The following ATP8B1 variants were observed in gnomAD, a reference collection of about 807,000 sequenced individuals.
The protein encoded by ATP8B1 is phospholipid-transporting ATPase IC.
A neutral mutation model predicts 149.9 loss-of-function variants in ATP8B1; 80 were observed. That is an observed-to-expected ratio of 0.53 (90% CI 0.45 to 0.64). ATP8B1 has a LOEUF of 0.64. Ranked by LOEUF, ATP8B1 falls within the 30% of genes least tolerant of loss-of-function variation. The probability of loss-of-function intolerance (pLI) is 0.00; values close to 1 mark genes in which losing one functional copy is unlikely to be tolerated. For missense variants in ATP8B1, 1,247 were observed against 1,552.6 expected, an observed-to-expected ratio of 0.80 and a Z score of 3.31; for synonymous variants, 536 against 562.8, an observed-to-expected ratio of 0.95 and a Z score of 0.67.
intron 26 of ATP8B1, among the ~76,000 whole-genome samples, chr18:57,651,138 A>G (rs561844542): frequency 1.2e-4 from 18 of 152,238 alleles, no homozygotes; most frequent in African/African-American, 2.2e-4. Flanking sequence ...ATAGGGTCTC[A>G]CTCTGTTACC....
At chr18:57,719,885 G>A (rs920962382) in intron 2 of ATP8B1, among the ~76,000 whole-genome samples, 2 of 152,190 alleles carry the variant, frequency 1.3e-5, no homozygotes, top group Admixed American at 1.3e-4. Flanking sequence ...CTCCCAGCAC[G>A]CAGCTGGAGA....
rs1041914154 is a variant in ATP8B1 at position 57,803,170 on chromosome 18, G to C, written c.-198C>G. ...GCCCGGGGAAGCGTGTCTAGTTGGC[G>C]GCGGCACCTCCGGCTCTCGCGGCTC... On this transcript the variant is annotated 5_prime_UTR_variant, in exon 1 of 28. Coordinates refer to ENST00000648908, the MANE Select transcript of ATP8B1 (RefSeq NM_001374385.1). 1 of 152,488 alleles carries C rather than the reference G, an allele frequency of 6.6e-6. No homozygotes were observed. Among genetic ancestry groups the C allele is most frequent in the African/African-American group, 2.4e-5 (1 of 41,462 alleles). The allele number at this position is 152,488 out of a possible 1,614,324, so 9.4% of individuals were successfully genotyped here. A position where few individuals can be genotyped will look rare whatever the true frequency, so the allele number is the denominator to read the frequency against.
chr18:57,703,382 C>T (rs1373916900), intron 4 of ATP8B1, among the ~76,000 whole-genome samples: 2 of 151,984 alleles, frequency 1.3e-5, no homozygotes, highest in Non-Finnish European at 2.9e-5. Context: ...CCAGCCTGGT[C>T]AACATGGTGA....
At chr18:57,668,294 A>T (rs566172216) in intron 19 of ATP8B1, 135 bp downstream of exon 19, 93 of 1,326,246 alleles carry the variant, frequency 7.0e-5, no homozygotes, top group Non-Finnish European at 9.5e-5. Context: ...AGGGTTTCTC[A>T]GAAAAAGCAT....
At chr18:57,732,171 G>GTGTATATATGTA in intron 1 of ATP8B1, 1 of 102,432 alleles carries the variant, frequency 9.8e-6, no homozygotes, top group African/African-American at 4.0e-5. Flanking sequence ...ATGTATATAT[G>GTGTATATATGTA]TATATATGTG....
chr18:57,678,377 G>A (rs946903158), intron 15 of ATP8B1, among the ~76,000 whole-genome samples: 1 of 151,822 alleles, frequency 6.6e-6, no homozygotes, highest in African/African-American at 2.4e-5. Context: ...CACAAGGTCA[G>A]GAGTTTGAGA....
intron 14 of ATP8B1, 105 bp from the exon 15 acceptor site, chr18:57,684,297 C>T (rs1912126492): frequency 8.0e-7 from 1 of 1,243,446 alleles, no homozygotes; most frequent in Admixed American, 2.0e-5. Flanking sequence ...ATGCAAAAAC[C>T]ACCTTAGGAT....
intron 1 of ATP8B1, among the ~76,000 whole-genome samples, chr18:57,772,641 G>A (rs997963757): frequency 2.2e-5 from 3 of 134,776 alleles, no homozygotes; most frequent in South Asian, 2.4e-4. Flanking sequence ...TCCCGACCTC[G>A]TGGCAGGTAT....
At chr18:57,685,331 G>A (rs1311959272) in intron 13 of ATP8B1, among the ~76,000 whole-genome samples, 1 of 151,966 alleles carries the variant, frequency 6.6e-6, no homozygotes, top group Non-Finnish European at 1.5e-5. Flanking sequence ...CTTCTCCTAG[G>A]GGCCTGAATC....
At chr18:57,679,830 A>T (rs1911838598) in intron 15 of ATP8B1, among the ~76,000 whole-genome samples, 1 of 152,028 alleles carries the variant, frequency 6.6e-6, no homozygotes, top group African/African-American at 2.4e-5. Context: ...ACGCCCAGCT[A>T]ATTTTTGTAT....
intron 22 of ATP8B1, among the ~76,000 whole-genome samples, chr18:57,658,641 G>GTGTA (rs1251820835): frequency 6.8e-6 from 1 of 147,996 alleles, no homozygotes; most frequent in African/African-American, 2.5e-5. Flanking sequence ...GTGTGTGTGT[G>GTGTA]TGTGTGTGTG....
intron 24 of ATP8B1, 28 bp from the exon 25 acceptor site, chr18:57,652,757 TTTATTCA>T (rs766245951): frequency 1.9e-6 from 3 of 1,613,816 alleles, no homozygotes; most frequent in Non-Finnish European, 2.5e-6. Context: ...ATGATGGTAT[TTTATTCA>T]TCAGGTCAAA....
At position 57,691,689 on chromosome 18, in the gene ATP8B1, T is replaced by G. The variant is rs192244768; in HGVS notation, c.1220+118A>C. 3.0e-6 allele frequency: 4 copies of G among 1,311,570 alleles called. No homozygotes were observed. The African/African-American group carries it at 4.4e-5, about 14-fold the overall frequency. The allele number at this position is 1,311,570 out of a possible 1,614,324, so 81.2% of individuals were successfully genotyped here. The stretch of plus-strand genomic sequence containing the variant: ...ACCCTCAATTCTGAAATGAACGTGA[T>G]TTTCTTACCTGTTCTTTGTGACCTT... On this transcript the variant is annotated intron_variant, in intron 12 of 27. Transcript: ENST00000648908.
chr18:57,702,195 C>T lies in ATP8B1; in HGVS notation c.394-882G>A, dbSNP rs1312976874. Among the ~76,000 whole-genome samples the T allele has an allele frequency of 7.2e-5, 11 of 152,302 alleles. No individual in the cohort carries two copies. In the South Asian group the frequency reaches 2.3e-3, roughly 32 times the overall value. On this transcript the variant is annotated intron_variant, in intron 4 of 27. Coordinates refer to ENST00000648908, the MANE Select transcript of ATP8B1 (RefSeq NM_001374385.1). Reference sequence around the variant, plus strand: ...TTCCTTCATGATCATCACTATTGGCCTATCCAAGAAAGTGAGCTGGCCTTC... The same window carrying T: ...TTCCTTCATGATCATCACTATTGGCTTATCCAAGAAAGTGAGCTGGCCTTC...
At chr18:57,732,315 ATATATGTG>A (rs2079791218) in intron 1 of ATP8B1, among the ~76,000 whole-genome samples, 1 of 27,416 alleles carries the variant, frequency 3.6e-5, no homozygotes, top group Non-Finnish European at 7.8e-5. Context: ...ATATGTGTGT[ATATATGTG>A]TATATATGTG....
intron 1 of ATP8B1, among the ~76,000 whole-genome samples, chr18:57,766,842 G>A (rs190749858): frequency 2.6e-4 from 40 of 152,294 alleles, no homozygotes; most frequent in Non-Finnish European, 5.9e-5. Flanking sequence ...ACCTGTCCTA[G>A]GAGAGGTCAA....
chr18:57,790,120 C>A (rs919373414), intron 1 of ATP8B1, among the ~76,000 whole-genome samples: 1 of 152,170 alleles, frequency 6.6e-6, no homozygotes, highest in Non-Finnish European at 1.5e-5. Context: ...CAATTCTCTT[C>A]TTTTACATCT....
At chr18:57,689,204 T>G (rs1303809234) in intron 12 of ATP8B1, among the ~76,000 whole-genome samples, 1 of 152,062 alleles carries the variant, frequency 6.6e-6, no homozygotes, top group African/African-American at 2.4e-5. Context: ...TCTTCCCCCA[T>G]TCCCCATAGC....
At chr18:57,752,208 AATAATAATAATAATAATG>A (rs1024654599) in intron 1 of ATP8B1, among the ~76,000 whole-genome samples, 4 of 32,512 alleles carry the variant, frequency 1.2e-4, no homozygotes, top group Admixed American at 5.1e-4. Flanking sequence ...CCCTGTCTCA[AATAATAATAATAATAATG>A]ATAATAATAA....
Sources: gnomAD v4.1 joint callset for allele counts (sites outside exome capture counted in the v4.1 genomes callset) on GRCh38, gnomAD v4.1.1 for gene constraint, MANE v1.5 for transcripts, NCBI Gene and HGNC (gene_info 2026-07-23, HGNC 2026-07-21) for gene names.